Variants in SDC3 observed in about 807,000 individuals in gnomAD.
SDC3 encodes the protein syndecan-3.
A neutral mutation model predicts 24.4 loss-of-function variants in SDC3; 13 were observed. That is an observed-to-expected ratio of 0.53 (90% CI 0.35 to 0.85). SDC3 has a LOEUF of 0.85. SDC3 is among the 40% of genes least tolerant of loss of function. SDC3 has a pLI of 0.01. For synonymous variants in SDC3, 295 were observed against 260.9 expected (o/e 1.13, Z -1.26); for missense variants, 571 against 584.5 (o/e 0.98, Z 0.24).
chr1:30,908,671 GGC>G lies in SDC3; in HGVS notation c.-87_-86del. The G allele has an allele frequency of 2.2e-6, 1 of 452,604 alleles. No homozygotes were observed. Among genetic ancestry groups the G allele is most frequent in the Non-Finnish European group, 2.9e-6 (1 of 345,910 alleles). 28.0% of individuals were successfully genotyped at this position (452,604 alleles called of 1,614,324 possible). ...GCGCGCGGGGCGGCTGCTTGGCGGC[GGC>G]GCGGCCCGGCGGCTGGACCGACGCG... On this transcript the variant is annotated 5_prime_UTR_variant, in exon 1 of 5. Transcript: ENST00000339394.
chr1:30,870,857 T>C lies in SDC3; in HGVS notation c.*2354A>G, dbSNP rs1271697544. On this transcript the variant is annotated 3_prime_UTR_variant, in exon 5 of 5. Transcript: ENST00000339394. ...CTTCTGGGGCTGGGGGCCCAAGCCC[T>C]TTTCTCCTCTATCCTCCCTGGTTTC... is the stretch of plus-strand genomic sequence containing the variant. 6.5e-6 allele frequency: 1 copy of C among 152,810 alleles called. No homozygotes were observed. Among genetic ancestry groups the C allele is most frequent in the Non-Finnish European group, 1.5e-5 (1 of 68,406 alleles). 9.5% of individuals were successfully genotyped at this position (152,810 alleles called of 1,614,324 possible). A position where few individuals can be genotyped will look rare whatever the true frequency, so the allele number is the denominator to read the frequency against.
intron 1 of SDC3, among the ~76,000 whole-genome samples, chr1:30,883,740 GA>G (rs1426597866): frequency 6.6e-6 from 1 of 152,202 alleles, no homozygotes; most frequent in East Asian, 1.9e-4. Flanking sequence ...GAGGCACAGA[GA>G]GGGGAAAGCC....
At chr1:30,878,780 G>A in intron 1 of SDC3, 40 bp from the exon 2 acceptor site, 1 of 1,571,208 alleles carries the variant, frequency 6.4e-7, no homozygotes, top group Non-Finnish European at 8.8e-7. Flanking sequence ...CGGCACCCGA[G>A]ACTGGCAGCC....
chr1:30,877,338 C>T, intron 2 of SDC3, 173 bp from the exon 3 acceptor site: 1 of 856,074 alleles, frequency 1.2e-6, no homozygotes, highest in Non-Finnish European at 1.8e-6. Context: ...TAAAGGTGGT[C>T]AGTTGCTGAT....
In SDC3 at chr1:30,876,896, C is replaced by T. The variant is rs990756186; in HGVS notation, c.526G>A (p.Val176Met). ...GCCACTGTGGCAGGCACTGTGGCCACAGTCGGGTCCCCTGTGCTTGTGGCA... is the reference window on the plus strand; with the variant it reads ...GCCACTGTGGCAGGCACTGTGGCCATAGTCGGGTCCCCTGTGCTTGTGGCA... ...TAATSTGDPTVATVPATVATA... is the reference protein window; with the variant it reads ...TAATSTGDPTMATVPATVATA... The change falls in exon 3 of 5, where the codon GTG becomes ATG. Residue 176 changes from valine to methionine, a missense_variant. Physicochemically the swap from Val to Met is conservative, Grantham distance 21. Around this residue, in one of 2 missense-constraint regions of SDC3, gnomAD observed 497 missense variants for 471.6 expected, o/e 1.05. Transcript: ENST00000339394. 1.9e-6 allele frequency: 3 copies of T among 1,613,692 alleles called. No individual in the cohort carries two copies. The highest frequency in any genetic ancestry group is 1.7e-5 in the Admixed American group (1 of 60,006).
chr1:30,874,228 T>G (rs936040208), intron 4 of SDC3, 69 bp downstream of exon 4: 1 of 1,352,088 alleles, frequency 7.4e-7, no homozygotes, highest in Non-Finnish European at 1.0e-6. Context: ...AGAGGCAAAC[T>G]GAGGCCCAGC....
In SDC3 at chr1:30,894,037, G is replaced by A. The variant is rs187960985; in HGVS notation, c.138+14412C>T. Reference sequence around the variant, plus strand: ...CTCTAACGAGGCCAGATGACCAGCTGCCCCTCTGGCCTGGGCTCCTAGACC... The same window carrying A: ...CTCTAACGAGGCCAGATGACCAGCTACCCCTCTGGCCTGGGCTCCTAGACC... On this transcript the variant is annotated intron_variant, in intron 1 of 4. Coordinates refer to ENST00000339394, the MANE Select transcript of SDC3 (RefSeq NM_014654.4). Among the ~76,000 whole-genome samples the A allele has an allele frequency of 1.8e-4, 28 of 152,208 alleles. No individual in the cohort carries two copies. The East Asian group carries it at 5.2e-3, about 28-fold the overall frequency.
At chr1:30,905,537 C>T (rs993075640) in intron 1 of SDC3, among the ~76,000 whole-genome samples, 32 of 152,010 alleles carry the variant, frequency 2.1e-4, no homozygotes, top group East Asian at 1.4e-3. Context: ...CTTCCATTCT[C>T]GCATTGTCTC....
Position 30,908,476 on chromosome 1 carries a change from C to T in SDC3, c.111G>A (p.Leu37=). Residue 37 remains leucine, a synonymous_variant, in exon 1 of 5, where the codon CTG becomes CTA. Transcript: ENST00000339394. The part of the protein sequence containing the change: ...ARGLLLPPLL[L]LLLAGRAAGA... ...CCGCGGCGCGCCCCGCCAGCAGCAG[C>T]AGCAGCAGCGGTGGCAGGAGCAGCC... The T allele has an allele frequency of 9.7e-7, 1 of 1,031,132 alleles. No homozygotes were observed. The highest frequency in any genetic ancestry group is 3.2e-5 in the South Asian group (1 of 31,332). 63.9% of individuals were successfully genotyped at this position (1,031,132 alleles called of 1,614,324 possible).
chr1:30,888,689 TTTATAACCAGCCCAAA>T (rs745964779), intron 1 of SDC3, among the ~76,000 whole-genome samples: 1 of 152,140 alleles, frequency 6.6e-6, no homozygotes, highest in Non-Finnish European at 1.5e-5. Flanking sequence ...TGCTGGGTTA[TTTATAACCAGCCCAAA>T]CTCACACACA....
At chr1:30,907,487 C>G (rs1193329180) in intron 1 of SDC3, among the ~76,000 whole-genome samples, 1 of 152,198 alleles carries the variant, frequency 6.6e-6, no homozygotes, top group East Asian at 1.9e-4. Flanking sequence ...CATGCACACG[C>G]TGCTATGTGC....
At chr1:30,879,574 G>C (rs1639707225) in intron 1 of SDC3, among the ~76,000 whole-genome samples, 1 of 152,070 alleles carries the variant, frequency 6.6e-6, no homozygotes, top group African/African-American at 2.4e-5. Flanking sequence ...AGCCAACCTG[G>C]AGTCCCTGCT....
At chr1:30,873,445 G>A in intron 4 of SDC3, 68 bp from the exon 5 acceptor site, 1 of 1,223,872 alleles carries the variant, frequency 8.2e-7, no homozygotes, top group Non-Finnish European at 1.2e-6. Flanking sequence ...GGTCCTCAGG[G>A]GTGGGGGCCA....
At chr1:30,879,125 G>A (rs1639698625) in intron 1 of SDC3, 1 of 180,560 alleles carries the variant, frequency 5.5e-6, no homozygotes, top group South Asian at 1.3e-4. Flanking sequence ...AGCAGGCGAG[G>A]GCTGGAATGG....
At position 30,877,184 on chromosome 1, in the gene SDC3, G is replaced by C. The variant is rs1424471129; in HGVS notation, c.257-19C>G. 6.2e-7 allele frequency: 1 copy of C among 1,613,514 alleles called. No individual in the cohort carries two copies. Among genetic ancestry groups the C allele is most frequent in the South Asian group, 1.1e-5 (1 of 91,032 alleles). On this transcript the variant is annotated intron_variant, in intron 2 of 4. Transcript: ENST00000339394. ...TCGAAGTCTGAGGGGGTGGGGGAGA[G>C]GGAGAGAGCTAGGGAGCTGGGTGGT...
chr1:30,908,024 C>T (rs1458376015), intron 1 of SDC3, among the ~76,000 whole-genome samples: 3 of 152,336 alleles, frequency 2.0e-5, no homozygotes, highest in Middle Eastern at 3.4e-3. Flanking sequence ...AGCCCGCCGC[C>T]GGGTCCTTCT....
At chr1:30,877,411 C>A in intron 2 of SDC3, 1 of 614,458 alleles carries the variant, frequency 1.6e-6, no homozygotes, top group Non-Finnish European at 2.9e-6. Context: ...GGAAGCCTTC[C>A]TTGACTATTC....
chr1:30,870,006 G>A lies in SDC3; in HGVS notation c.*3205C>T, dbSNP rs1490910574. ...GCCTCTGTAAATCTGTACAGTTTGC[G>A]GGCTTCTATTTACAGGCAAGAGGCC... On this transcript the variant is annotated 3_prime_UTR_variant, in exon 5 of 5. Coordinates refer to ENST00000339394, the MANE Select transcript of SDC3 (RefSeq NM_014654.4). 6.5e-5 allele frequency: 26 copies of A among 397,712 alleles called. No homozygotes were observed. The East Asian group carries it at 7.5e-4, about 11-fold the overall frequency. 24.6% of individuals were successfully genotyped at this position (397,712 alleles called of 1,614,324 possible).
At chr1:30,894,661 T>TTA (rs1639973949) in intron 1 of SDC3, among the ~76,000 whole-genome samples, 1 of 74,012 alleles carries the variant, frequency 1.4e-5, no homozygotes, top group African/African-American at 3.3e-5. Context: ...TGTGTGTGGG[T>TTA]GAGTGTGTGT....
Sources: gnomAD v4.1 joint callset for allele counts (sites outside exome capture counted in the v4.1 genomes callset) on GRCh38, gnomAD v4.1.1 for gene constraint, gnomAD v4.1.1 regional missense constraint, MANE v1.5 for transcripts, NCBI Gene and HGNC (gene_info 2026-07-23, HGNC 2026-07-21) for gene names.